EPB41L5: variants seen among roughly 807,000 people sequenced by gnomAD.
EPB41L5 encodes the protein erythrocyte membrane protein band 4.1 like 5, also known as band 4.1-like protein 5.
EPB41L5 carries 55 observed loss-of-function variants against 106.6 expected under a neutral mutation model. The ratio of observed to expected loss-of-function variants is 0.52; its 90% CI spans 0.42 to 0.65. The LOEUF is 0.65. Ranked by LOEUF, EPB41L5 falls within the 30% of genes least tolerant of loss-of-function variation. The probability of loss-of-function intolerance (pLI) is 0.00; values close to 1 mark genes in which losing one functional copy is unlikely to be tolerated. For synonymous variants in EPB41L5, 297 were observed against 306.7 expected (o/e 0.97, Z 0.33); for missense variants, 871 against 882.1 (o/e 0.99, Z 0.16).
intron 16 of EPB41L5, chr2:120,101,581 G>A (rs1684144377): frequency 6.6e-6 from 1 of 151,960 alleles, no homozygotes; most frequent in Non-Finnish European, 1.5e-5. Context: ...TTTTTCTCTT[G>A]CTCTTAGTTT....
Position 120,090,348 on chromosome 2 carries a change from G to A in EPB41L5, c.875G>A (p.Gly292Asp), listed in dbSNP as rs1490439751. Residue 292 changes from glycine to aspartate, a missense_variant and splice_region_variant, in exon 12 of 25, where the codon GGC becomes GAC. By Grantham distance (94) the Gly-to-Asp change is moderately conservative. Transcript: ENST00000263713. ...TTTATATATACTTTTCTTTTTCAGG[G>A]CAAAGAACAGGAACATACATTTGTC... ...TLVVVEDDDQ[G>D]KEQEHTFVFR... 1.9e-6 allele frequency: 3 copies of A among 1,592,150 alleles called. No homozygotes were observed. The highest frequency in any genetic ancestry group is 2.6e-6 in the Non-Finnish European group (3 of 1,172,510).
At chr2:120,031,845 C>T (rs1447533507) in intron 2 of EPB41L5, among the ~76,000 whole-genome samples, 2 of 152,050 alleles carry the variant, frequency 1.3e-5, no homozygotes, top group Non-Finnish European at 2.9e-5. Flanking sequence ...ATCAAGAGTT[C>T]ATTAGAAGGG....
At chr2:120,043,103 G>A (rs767675187) in intron 3 of EPB41L5, among the ~76,000 whole-genome samples, 2 of 151,312 alleles carry the variant, frequency 1.3e-5, no homozygotes, top group Non-Finnish European at 2.9e-5. Context: ...GTTTACAGCT[G>A]TGAATAATTT....
At chr2:120,100,862 A>G (rs1474612473) in intron 16 of EPB41L5, 48 bp downstream of exon 16, 15 of 1,264,904 alleles carry the variant, frequency 1.2e-5, no homozygotes, top group Non-Finnish European at 1.6e-5. Flanking sequence ...AGTTAATTGT[A>G]TTTGGAATTC....
chr2:120,014,971 TAAAAAA>T (rs35008136), intron 1 of EPB41L5, among the ~76,000 whole-genome samples: 1 of 141,048 alleles, frequency 7.1e-6, no homozygotes, highest in African/African-American at 2.6e-5. Context: ...TCACAATCAT[TAAAAAA>T]AAAAAAAACC....
At position 120,132,788 on chromosome 2, in the gene EPB41L5, CT is replaced by C. The variant is rs540112853; in HGVS notation, c.1599+1076del. Among the ~76,000 whole-genome samples the C allele has an allele frequency of 4.6e-5, 7 of 151,456 alleles. No homozygotes were observed. In the South Asian group the frequency reaches 1.5e-3, roughly 32 times the overall value. On this transcript the variant is annotated intron_variant, in intron 18 of 24. Transcript: ENST00000263713. Reference sequence around the variant, plus strand: ...ATAAATGGAAAACTTTAGATAAAAGCTTTAGATGATTAATAACTAATGGAAA... The same window carrying C: ...ATAAATGGAAAACTTTAGATAAAAGCTTAGATGATTAATAACTAATGGAAA...
At chr2:120,167,318 G>C in intron 22 of EPB41L5, 148 bp from the exon 23 acceptor site, 1 of 611,406 alleles carries the variant, frequency 1.6e-6, no homozygotes. Flanking sequence ...CTTGGATTTA[G>C]AAGTCCATGT....
At chr2:120,156,046 C>G (rs1327704002) in intron 20 of EPB41L5, among the ~76,000 whole-genome samples, 1 of 152,136 alleles carries the variant, frequency 6.6e-6, no homozygotes, top group African/African-American at 2.4e-5. Flanking sequence ...ATGTGGAGCC[C>G]AGAGGGTTTG....
chr2:120,041,373 A>G (rs1466439491), intron 2 of EPB41L5, among the ~76,000 whole-genome samples: 1 of 152,176 alleles, frequency 6.6e-6, no homozygotes, highest in African/African-American at 2.4e-5. Context: ...GGTGATCATG[A>G]GACCACATTT....
intron 1 of EPB41L5, among the ~76,000 whole-genome samples, chr2:120,016,034 C>T (rs941367589): frequency 3.9e-5 from 6 of 151,988 alleles, no homozygotes; most frequent in African/African-American, 9.7e-5. Flanking sequence ...AGTTATGCTC[C>T]GAAAAATCCT....
At chr2:120,070,807 T>G (rs917841865) in intron 3 of EPB41L5, among the ~76,000 whole-genome samples, 3 of 152,144 alleles carry the variant, frequency 2.0e-5, no homozygotes, top group African/African-American at 7.2e-5. Flanking sequence ...TTAAAAACTC[T>G]CAATAAACTA....
intron 3 of EPB41L5, among the ~76,000 whole-genome samples, chr2:120,044,286 C>A (rs1041267325): frequency 6.6e-6 from 1 of 151,774 alleles, no homozygotes; most frequent in Non-Finnish European, 1.5e-5. Flanking sequence ...GTTCTTAATT[C>A]TCTTTTATTA....
chr2:120,051,817 A>C (rs1007119191), intron 3 of EPB41L5, among the ~76,000 whole-genome samples: 29 of 124,610 alleles, frequency 2.3e-4, no homozygotes, highest in Admixed American at 1.2e-3. Context: ...CCATCTTGGA[A>C]CCTCCTGCAT....
rs1048949274 is a variant in EPB41L5, at chr2:120,073,173, T to G, written c.286-5T>G. 7 of 1,601,704 alleles carry G rather than the reference T, an allele frequency of 4.4e-6. No homozygotes were observed. The African/African-American group carries it at 5.4e-5, about 12-fold the overall frequency. The stretch of plus-strand genomic sequence containing the variant: ...CTTAACTAAATTTTTGTTTTTGTTT[T>G]TCAGCATTGGTTGGATGGTACAAAA... On this transcript the variant is annotated splice_region_variant and splice_polypyrimidine_tract_variant and intron_variant, in intron 3 of 24. Transcript: ENST00000263713.
At chr2:120,108,360 T>A (rs1452162931) in intron 16 of EPB41L5, 1 of 152,138 alleles carries the variant, frequency 6.6e-6, no homozygotes, top group Non-Finnish European at 1.5e-5. Context: ...TTTTTTGTTG[T>A]TGAAGGAAGT....
At chr2:120,031,847 T>G (rs1678731141) in intron 2 of EPB41L5, among the ~76,000 whole-genome samples, 2 of 152,088 alleles carry the variant, frequency 1.3e-5, no homozygotes, top group African/African-American at 4.8e-5. Flanking sequence ...CAAGAGTTCA[T>G]TAGAAGGGCG....
At chr2:120,075,817 T>A in intron 7 of EPB41L5, 64 bp downstream of exon 7, 1 of 1,268,868 alleles carries the variant, frequency 7.9e-7, no homozygotes, top group Non-Finnish European at 1.2e-6. Context: ...TGTTTTTAGT[T>A]AAAGAAGATT....
intron 14 of EPB41L5, among the ~76,000 whole-genome samples, chr2:120,096,117 A>C (rs1683738043): frequency 6.6e-6 from 1 of 152,152 alleles, no homozygotes; most frequent in Admixed American, 6.5e-5. Context: ...TTTATTTTTG[A>C]ATTTGTCTGT....
Position 120,177,837 on chromosome 2 carries a change from C to G in EPB41L5, c.*2930C>G, listed in dbSNP as rs1687972279. The G allele has an allele frequency of 6.6e-6, 1 of 152,168 alleles. No individual in the cohort carries two copies. The highest frequency in any genetic ancestry group is 2.4e-5 in the African/African-American group (1 of 41,428). The allele number at this position is 152,168 out of a possible 1,614,324, so 9.4% of individuals were successfully genotyped here. A position where few individuals can be genotyped will look rare whatever the true frequency, so the allele number is the denominator to read the frequency against. ...CTATGGAGATTTAAGGATGAAAGCCCTGAGTTGTTCTTGGGTTCTTGGATC... is the reference window on the plus strand; with the variant it reads ...CTATGGAGATTTAAGGATGAAAGCCGTGAGTTGTTCTTGGGTTCTTGGATC... On this transcript the variant is annotated 3_prime_UTR_variant, in exon 25 of 25. Coordinates refer to ENST00000263713, the MANE Select transcript of EPB41L5 (RefSeq NM_020909.4).
Sources: allele counts gnomAD v4.1 joint callset (sites outside exome capture counted in the v4.1 genomes callset), GRCh38; gene constraint gnomAD v4.1.1; transcripts MANE v1.5; gene names NCBI Gene and HGNC (gene_info 2026-07-23, HGNC 2026-07-21).